The following ATP5PB variants were observed in gnomAD, a reference collection of about 807,000 sequenced individuals.
ATP5PB encodes ATP synthase peripheral stalk-membrane subunit b.
A neutral mutation model predicts 34.5 loss-of-function variants in ATP5PB; 21 were observed. The observed-to-expected ratio is 0.61, with a 90% CI of 0.43 to 0.88. The LOEUF (loss-of-function observed/expected upper bound fraction) is 0.88. Among genes scored for constraint, ATP5PB ranks in the 40% least tolerant of loss-of-function variants. The pLI is 0.00. For missense variants in ATP5PB, 293 were observed against 317.4 expected, an observed-to-expected ratio of 0.92 and a Z score of 0.58; for synonymous variants, 108 against 114.1, an observed-to-expected ratio of 0.95 and a Z score of 0.34.
chr1:111,456,844 G>T (rs2101758694), intron 5 of ATP5PB, 89 bp downstream of exon 5: 5 of 1,390,714 alleles, frequency 3.6e-6, no homozygotes, highest in Non-Finnish European at 4.7e-6. Context: ...TGGTTAAATA[G>T]ATTGAACGTA....
chr1:111,457,312 AACACACACACACAC>A (rs111663185), intron 5 of ATP5PB, among the ~76,000 whole-genome samples: 1 of 146,718 alleles, frequency 6.8e-6, no homozygotes, highest in African/African-American at 2.5e-5. Flanking sequence ...GACTCTCTCA[AACACACACACACAC>A]ACACACACAC....
chr1:111,455,707 G>A (rs540977920), intron 3 of ATP5PB, among the ~76,000 whole-genome samples: 27 of 152,232 alleles, frequency 1.8e-4, no homozygotes, highest in African/African-American at 5.8e-4. Context: ...TATTTTGCTG[G>A]ACAAATTACT....
intron 3 of ATP5PB, among the ~76,000 whole-genome samples, chr1:111,455,612 T>C (rs1221552175): frequency 6.6e-6 from 1 of 152,234 alleles, no homozygotes; most frequent in African/African-American, 2.4e-5. Context: ...ATTCATCCTT[T>C]TATATACATA....
chr1:111,455,990 C>G (rs1653461690), intron 3 of ATP5PB, 96 bp from the exon 4 acceptor site: 4 of 1,101,264 alleles, frequency 3.6e-6, no homozygotes, highest in Admixed American at 2.8e-5. Flanking sequence ...TAAGTCATTA[C>G]TTTGCCTTCA....
chr1:111,457,099 TG>T (rs1653494346), intron 5 of ATP5PB, among the ~76,000 whole-genome samples: 1 of 152,214 alleles, frequency 6.6e-6, no homozygotes, highest in African/African-American at 2.4e-5. Flanking sequence ...ACACACTTGC[TG>T]CAAGAACATC....
rs776448051 is a variant in ATP5PB at position 111,456,378 on chromosome 1, A to G, written c.387+129A>G. 237 of 1,139,266 alleles carry G rather than the reference A, an allele frequency of 2.1e-4. 1 individual carries two copies. Among genetic ancestry groups the G allele is most frequent in the Middle Eastern group, 2.7e-4 (1 of 3,672 alleles). 70.6% of individuals were successfully genotyped at this position (1,139,266 alleles called of 1,614,324 possible). ...AATCTAATGCTTCAAATAAGTGTTA[A>G]CGTTAGTTACTAATTTGAGATAATT... On this transcript the variant is annotated intron_variant, in intron 4 of 6. Coordinates refer to ENST00000369722, the MANE Select transcript of ATP5PB (RefSeq NM_001688.5).
intron 3 of ATP5PB, among the ~76,000 whole-genome samples, chr1:111,454,811 A>G (rs891910690): frequency 1.3e-5 from 2 of 152,182 alleles, no homozygotes; most frequent in African/African-American, 4.8e-5. Flanking sequence ...TCTTTGGTAT[A>G]AATTTATTTG....
Position 111,461,829 on chromosome 1 carries a change from AG to A in ATP5PB, c.*837del, listed in dbSNP as rs1653630228. ...GGCAGGAGAATTGCTTGAACGCAGGAGGCAAAGGTTGCAGTGAGCTGAGATC... is the reference window on the plus strand; with the variant it reads ...GGCAGGAGAATTGCTTGAACGCAGGAGCAAAGGTTGCAGTGAGCTGAGATC... On this transcript the variant is annotated 3_prime_UTR_variant, in exon 7 of 7. Coordinates refer to ENST00000369722, the MANE Select transcript of ATP5PB (RefSeq NM_001688.5). 6.6e-6 allele frequency: 1 copy of A among 151,380 alleles called. No individual in the cohort carries two copies. Among genetic ancestry groups the A allele is most frequent in the Non-Finnish European group, 1.5e-5 (1 of 67,974 alleles). 9.4% of individuals were successfully genotyped at this position (151,380 alleles called of 1,614,324 possible).
In ATP5PB at chr1:111,454,291, A is replaced by G. The variant is rs1371218198; in HGVS notation, c.158A>G (p.Lys53Arg). Residue 53 changes from lysine (K) to arginine (R), a missense_variant, in exon 3 of 7, where the codon AAA (lysine) becomes AGA (arginine). Transcript: ENST00000369722. ...PVPPLPEYGG[K>R]VRYGLIPEEF... ...CCACCTCTTCCTGAATACGGAGGAA[A>G]AGTTCGTTATGGACTGATCCCTGAG... 1 of 1,613,536 alleles carries G rather than the reference A, an allele frequency of 6.2e-7. No individual in the cohort carries two copies. The highest frequency in any genetic ancestry group is 1.7e-5 in the Admixed American group (1 of 59,846).
chr1:111,460,483 G>A (rs1390230034), intron 6 of ATP5PB, among the ~76,000 whole-genome samples: 1 of 143,252 alleles, frequency 7.0e-6, no homozygotes, highest in Non-Finnish European at 1.5e-5. Context: ...TAATATATAT[G>A]CTTACTTAAG....
intron 2 of ATP5PB, among the ~76,000 whole-genome samples, chr1:111,451,591 T>C (rs1039308897): frequency 5.9e-5 from 9 of 152,148 alleles, no homozygotes; most frequent in African/African-American, 2.2e-4. Flanking sequence ...ATTAAAAGAA[T>C]GAATGTTAGC....
intron 3 of ATP5PB, 79 bp downstream of exon 3, chr1:111,454,435 G>GT (rs1045534055): frequency 2.0e-5 from 29 of 1,474,960 alleles, no homozygotes; most frequent in East Asian, 9.3e-5. Flanking sequence ...TTCTTCTTTG[G>GT]TTTTTGTTGT....
At chr1:111,451,870 G>A (rs1442096093) in intron 2 of ATP5PB, among the ~76,000 whole-genome samples, 3 of 152,160 alleles carry the variant, frequency 2.0e-5, no homozygotes, top group Non-Finnish European at 4.4e-5. Context: ...CTATAATCCC[G>A]AGGCCAAGGC....
intron 5 of ATP5PB, among the ~76,000 whole-genome samples, 174 bp downstream of exon 5, chr1:111,456,929 G>A (rs887107860): frequency 5.9e-5 from 9 of 152,010 alleles, no homozygotes; most frequent in Non-Finnish European, 7.4e-5. Flanking sequence ...ACTGTCAAGT[G>A]GAAAAATAGT....
At position 111,461,195 on chromosome 1, in the gene ATP5PB, T is replaced by C. The variant is rs1457727564; in HGVS notation, c.*201T>C. ...TTTCTCATCCTTCTTGCTCTGCCTTTGAGTTGTTCCGTGATCACTTCTGAA... is the reference window on the plus strand; with the variant it reads ...TTTCTCATCCTTCTTGCTCTGCCTTCGAGTTGTTCCGTGATCACTTCTGAA... On this transcript the variant is annotated 3_prime_UTR_variant, in exon 7 of 7. Transcript: ENST00000369722. 5 of 503,384 alleles carry C rather than the reference T, an allele frequency of 9.9e-6. No homozygotes were observed. Among genetic ancestry groups the C allele is most frequent in the Non-Finnish European group, 1.8e-5 (5 of 276,876 alleles). 31.2% of individuals were successfully genotyped at this position (503,384 alleles called of 1,614,324 possible). A position where few individuals can be genotyped will look rare whatever the true frequency, so the allele number is the denominator to read the frequency against.
chr1:111,456,649 A>G lies in ATP5PB; in HGVS notation c.407A>G (p.Glu136Gly), dbSNP rs1251866768. The G allele has an allele frequency of 1.2e-6, 2 of 1,613,230 alleles. No individual in the cohort carries two copies. Among genetic ancestry groups the G allele is most frequent in the South Asian group, 1.1e-5 (1 of 90,884 alleles). ...TTGTAGCAAAAACTTGCCCAACTAGAAGAGGCGAAGCAGGCTTCCATCCAA... is the reference window on the plus strand; with the variant it reads ...TTGTAGCAAAAACTTGCCCAACTAGGAGAGGCGAAGCAGGCTTCCATCCAA... ...KLNEQKLAQL[E>G]EAKQASIQHI... Residue 136 changes from glutamate (E) to glycine (G), a missense_variant, in exon 5 of 7, where the codon GAA (glutamate) becomes GGA (glycine). Coordinates refer to ENST00000369722, the MANE Select transcript of ATP5PB (RefSeq NM_001688.5).
At position 111,462,313 on chromosome 1, in the gene ATP5PB, G is replaced by A. The variant is rs955197746; in HGVS notation, c.*1319G>A. 10 of 152,226 alleles carry A rather than the reference G, an allele frequency of 6.6e-5. No individual in the cohort carries two copies. Among genetic ancestry groups the A allele is most frequent in the Non-Finnish European group, 1.5e-4 (10 of 68,034 alleles). 9.4% of individuals were successfully genotyped at this position (152,226 alleles called of 1,614,324 possible). A position where few individuals can be genotyped will look rare whatever the true frequency, so the allele number is the denominator to read the frequency against. ...TGGCTACAGCATGAATGAACCTTGA[G>A]GACGTTATGCAGTTTTACAGGATGA... On this transcript the variant is annotated 3_prime_UTR_variant, in exon 7 of 7. Transcript: ENST00000369722.
In ATP5PB at chr1:111,449,883, A is replaced by G. The variant is rs866109184; in HGVS notation, c.77+10A>G. The G allele has an allele frequency of 6.2e-7, 1 of 1,613,970 alleles. No homozygotes were observed. Among genetic ancestry groups the G allele is most frequent in the African/African-American group, 1.3e-5 (1 of 74,904 alleles). ...CCTTCCTAGGTCCAGGGTAAGTGTG[A>G]GGATAATGCTCCCTTTCGTCTTTGT... On this transcript the variant is annotated intron_variant, in intron 2 of 6. Coordinates refer to ENST00000369722, the MANE Select transcript of ATP5PB (RefSeq NM_001688.5).
At position 111,459,633 on chromosome 1, in the gene ATP5PB, G is replaced by A; in HGVS notation, c.690G>A (p.Gln230=). 6.2e-7 allele frequency: 1 copy of A among 1,613,488 alleles called. No individual in the cohort carries two copies. Among genetic ancestry groups the A allele is most frequent in the Non-Finnish European group, 8.5e-7 (1 of 1,179,624 alleles). Residue 230 remains glutamine (Q), a synonymous_variant, in exon 6 of 7, where the codon CAG becomes CAA. Coordinates refer to ENST00000369722, the MANE Select transcript of ATP5PB (RefSeq NM_001688.5). ...EKHVVQSIST[Q]QEKETIAKCI... ...ACGTGGTGCAAAGCATCTCCACACA[G>A]CAGGTACACAACATTTTTGTAGGTT...
Sources: allele counts gnomAD v4.1 joint callset (sites outside exome capture counted in the v4.1 genomes callset), GRCh38; gene constraint gnomAD v4.1.1; transcripts MANE v1.5; gene names NCBI Gene and HGNC (gene_info 2026-07-23, HGNC 2026-07-21).